INPP5D: variants seen among roughly 807,000 people sequenced by gnomAD.
The protein encoded by INPP5D is inositol polyphosphate-5-phosphatase D.
Under a neutral mutation model 122.9 loss-of-function variants are expected in INPP5D, and 33 were observed. That is an observed-to-expected ratio of 0.27 (90% CI 0.20 to 0.36). The LOEUF (loss-of-function observed/expected upper bound fraction) is 0.36. Ranked by LOEUF, INPP5D falls within the 10% of genes least tolerant of loss-of-function variation. The pLI, the probability that INPP5D is intolerant of heterozygous loss-of-function variation, is 1.00. For missense variants in INPP5D, 1,053 were observed against 1,412.7 expected, an observed-to-expected ratio of 0.75 and a Z score of 4.08; for synonymous variants, 584 against 576.2, an observed-to-expected ratio of 1.01 and a Z score of -0.19.
chr2:233,189,938 G>A lies in INPP5D; in HGVS notation c.2446+1G>A, dbSNP rs1464381108. Reference sequence around the variant, plus strand: ...TCCTCTGACAGCGACGAATCCTATGGTAAGGGTCTGTGGGCAGGTGCCACA... The same window carrying A: ...TCCTCTGACAGCGACGAATCCTATGATAAGGGTCTGTGGGCAGGTGCCACA... On this transcript the variant is annotated splice_donor_variant, in intron 22 of 26. Coordinates refer to ENST00000445964, the MANE Select transcript of INPP5D (RefSeq NM_001017915.3). LOFTEE classifies it high-confidence loss of function. The surrounding 1 kb of genome is among the most constrained non-coding windows in gnomAD (Gnocchi z 5.6). The A allele has an allele frequency of 1.2e-6, 2 of 1,613,172 alleles. No homozygotes were observed. Among genetic ancestry groups the A allele is most frequent in the Admixed American group, 1.7e-5 (1 of 59,956 alleles).
chr2:233,098,042 T>C (rs1692196374), intron 2 of INPP5D, among the ~76,000 whole-genome samples: 1 of 152,052 alleles, frequency 6.6e-6, no homozygotes, highest in South Asian at 2.1e-4. Context: ...TGCGCCACCA[T>C]GCCTGGCTAA....
At chr2:233,112,124 G>C (rs1279316023) in intron 2 of INPP5D, among the ~76,000 whole-genome samples, 2 of 150,092 alleles carry the variant, frequency 1.3e-5, no homozygotes, top group African/African-American at 4.9e-5. Context: ...CACCCACTTT[G>C]TTTAGCATGT....
At chr2:233,083,336 T>C (rs2106213680) in intron 2 of INPP5D, among the ~76,000 whole-genome samples, 1 of 152,328 alleles carries the variant, frequency 6.6e-6, no homozygotes, top group East Asian at 1.9e-4. Flanking sequence ...CTCTGCTCTT[T>C]GGGCTATGGG....
At chr2:233,114,295 C>G (rs1049642093) in intron 2 of INPP5D, among the ~76,000 whole-genome samples, 2 of 152,248 alleles carry the variant, frequency 1.3e-5, no homozygotes, top group South Asian at 2.1e-4. Flanking sequence ...CTTTCTCCCC[C>G]ACTTCTTCAC....
intron 2 of INPP5D, among the ~76,000 whole-genome samples, chr2:233,116,278 TATAG>T (rs1053551456): frequency 4.0e-5 from 6 of 151,526 alleles, no homozygotes; most frequent in Non-Finnish European, 7.4e-5. Flanking sequence ...TAGATATAGA[TATAG>T]ATATATAGAT....
At chr2:233,108,962 A>G (rs1250132172) in intron 2 of INPP5D, among the ~76,000 whole-genome samples, 1 of 152,380 alleles carries the variant, frequency 6.6e-6, no homozygotes, top group East Asian at 1.9e-4. Flanking sequence ...GTTTGTACCC[A>G]GAGACCCACA....
At chr2:233,122,016 G>A (rs928039633) in intron 2 of INPP5D, 91 bp from the exon 3 acceptor site, 30 of 1,461,172 alleles carry the variant, frequency 2.1e-5, no homozygotes, top group African/African-American at 4.2e-5. Context: ...CACTCCCTCC[G>A]CCTCGCTGGT....
intron 9 of INPP5D, among the ~76,000 whole-genome samples, chr2:233,152,989 C>T (rs958547412): frequency 6.6e-6 from 1 of 152,250 alleles, no homozygotes; most frequent in South Asian, 2.1e-4. Flanking sequence ...AGCAGTCAGG[C>T]AAGAGGCGGT....
intron 25 of INPP5D, among the ~76,000 whole-genome samples, chr2:233,199,617 C>G (rs1191791621): frequency 6.6e-6 from 1 of 151,686 alleles, no homozygotes; most frequent in African/African-American, 2.4e-5. Context: ...ATCTCGAGGT[C>G]AGGAGATCAA....
intron 2 of INPP5D, among the ~76,000 whole-genome samples, chr2:233,085,409 C>A (rs573396067): frequency 6.6e-6 from 1 of 151,588 alleles, no homozygotes; most frequent in Non-Finnish European, 1.5e-5. Flanking sequence ...AAGAATGTAG[C>A]GTTATGAATA....
chr2:233,095,353 C>T (rs746063954), intron 2 of INPP5D, among the ~76,000 whole-genome samples: 7 of 152,190 alleles, frequency 4.6e-5, no homozygotes, highest in Non-Finnish European at 8.8e-5. Flanking sequence ...GGCGCAGTGG[C>T]CCACGCCTGT....
Position 233,198,124 on chromosome 2 carries a change from C to G in INPP5D, c.2723C>G (p.Thr908Ser). Residue 908 changes from threonine to serine, a missense_variant, in exon 25 of 27, where the codon ACT (threonine) becomes AGT (serine). By Grantham distance (58) the Thr-to-Ser change is moderately conservative. Transcript: ENST00000445964. ...RAPPCSGSSI[T>S]EIINPNYMGV... ...CCTCCGTGCAGTGGCTCCAGCATCA[C>G]TGAAATCATCAACCCCAACTACATG... The G allele has an allele frequency of 1.2e-6, 2 of 1,611,546 alleles. No individual in the cohort carries two copies. The highest frequency in any genetic ancestry group is 1.7e-6 in the Non-Finnish European group (2 of 1,178,752).
chr2:233,161,222 G>A (rs945120284), intron 10 of INPP5D, among the ~76,000 whole-genome samples: 3 of 152,094 alleles, frequency 2.0e-5, no homozygotes, highest in African/African-American at 7.2e-5. Flanking sequence ...CTCCCGAGTA[G>A]CTGGCATTAC....
chr2:233,103,042 G>T (rs769721943), intron 2 of INPP5D, among the ~76,000 whole-genome samples: 1 of 152,174 alleles, frequency 6.6e-6, no homozygotes, highest in African/African-American at 2.4e-5. Flanking sequence ...TTGGGTGCAT[G>T]CATTTTAAAT....
At chr2:233,147,432 G>A (rs1450868855) in intron 8 of INPP5D, 39 bp from the exon 9 acceptor site, 1 of 701,090 alleles carries the variant, frequency 1.4e-6, no homozygotes, top group Admixed American at 2.0e-5. Context: ...AAAAGCCCAG[G>A]CAGAAAATCA....
intron 2 of INPP5D, among the ~76,000 whole-genome samples, chr2:233,112,523 GGCTATCTT>G (rs1692660504): frequency 2.6e-5 from 4 of 152,274 alleles, no homozygotes; most frequent in Middle Eastern, 3.4e-3. Context: ...AAGGAGCACT[GGCTATCTT>G]TCATGGAGGA....
chr2:233,116,769 G>A (rs1692811088), intron 2 of INPP5D, among the ~76,000 whole-genome samples: 1 of 151,320 alleles, frequency 6.6e-6, no homozygotes, highest in South Asian at 2.1e-4. Context: ...GCTAATTTTT[G>A]TATTTTTAGT....
In INPP5D at chr2:233,144,751, G is replaced by A. The variant is rs1458199849; in HGVS notation, c.754-1411G>A. Among the ~76,000 whole-genome samples, 9 of 151,892 alleles carry A rather than the reference G, an allele frequency of 5.9e-5. No homozygotes were observed. The South Asian group carries it at 1.5e-3, about 25-fold the overall frequency. On this transcript the variant is annotated intron_variant, in intron 6 of 26. Transcript: ENST00000445964. Reference sequence around the variant, plus strand: ...CATGATCATGGTGGGAGTGATAGGGGTGGAGATGGTGGTAGTGATGGTGGT... The same window carrying A: ...CATGATCATGGTGGGAGTGATAGGGATGGAGATGGTGGTAGTGATGGTGGT...
At chr2:233,172,584 A>C (rs1574784881) in intron 17 of INPP5D, among the ~76,000 whole-genome samples, 1 of 74,452 alleles carries the variant, frequency 1.3e-5, no homozygotes, top group Non-Finnish European at 4.8e-5. Flanking sequence ...CTTGAAGGGG[A>C]AAAAAATAGA....
Sources: gnomAD v4.1 joint callset for allele counts (sites outside exome capture counted in the v4.1 genomes callset) on GRCh38, gnomAD v4.1.1 for gene constraint, Gnocchi (gnomAD v3.1) non-coding constraint, MANE v1.5 for transcripts, NCBI Gene and HGNC (gene_info 2026-07-23, HGNC 2026-07-21) for gene names.